Variants in ASRGL1 observed in about 807,000 individuals in gnomAD.
ASRGL1 encodes isoaspartyl peptidase/L-asparaginase.
In ASRGL1, 16 loss-of-function variants were observed where a neutral mutation model predicts 22.4. The ratio of observed to expected loss-of-function variants is 0.71; its 90% CI spans 0.48 to 1.08. ASRGL1 has a LOEUF of 1.08. ASRGL1 is among the 50% of genes least tolerant of loss of function. The pLI is 0.00. For synonymous variants in ASRGL1, 165 were observed against 159.3 expected, an observed-to-expected ratio of 1.04 and a Z score of -0.27; for missense variants, 412 against 410.1, an observed-to-expected ratio of 1.00 and a Z score of -0.04.
At chr11:62,383,870 C>T (rs11231068) in intron 4 of ASRGL1, among the ~76,000 whole-genome samples, 39,906 of 148,040 alleles carry the variant, frequency 0.27, 5,494 homozygotes, top group South Asian at 0.35. Context: ...GCCGAAATCA[C>T]ACCACTGCAC....
intron 4 of ASRGL1, among the ~76,000 whole-genome samples, chr11:62,368,659 A>C (rs374492585): frequency 6.6e-6 from 1 of 152,096 alleles, no homozygotes; most frequent in African/African-American, 2.4e-5. Context: ...GAGTTCCCTC[A>C]GTATTTATTG....
rs529094501 is a variant in ASRGL1 at position 62,389,227 on chromosome 11, C to T, written c.586C>T (p.Arg196Cys). ...TGGIVNKMVG[R>C]VGDSPCLGAG... ...CGGTATCGTTAATAAAATGGTCGGC[C>T]GCGTTGGGGACTCACCGTGTCTAGG... Residue 196 changes from arginine (R) to cysteine (C), a missense_variant, in exon 5 of 7, where the codon CGC becomes TGC. By Grantham distance (180) the Arg-to-Cys change is radical. Coordinates refer to ENST00000415229, the MANE Select transcript of ASRGL1 (RefSeq NM_001083926.2). The T allele has an allele frequency of 1.1e-5, 18 of 1,614,028 alleles. No individual in the cohort carries two copies. The highest frequency in any genetic ancestry group is 2.2e-5 in the East Asian group (1 of 44,878).
chr11:62,378,734 G>T (rs185757658), intron 4 of ASRGL1, among the ~76,000 whole-genome samples: 1 of 152,174 alleles, frequency 6.6e-6, no homozygotes, highest in Admixed American at 6.5e-5. Context: ...GAGAACGAAG[G>T]CTCAATATGT....
intron 4 of ASRGL1, among the ~76,000 whole-genome samples, chr11:62,369,131 T>G (rs1465190978): frequency 6.6e-6 from 1 of 152,164 alleles, no homozygotes; most frequent in African/African-American, 2.4e-5. Flanking sequence ...ATATCTGGCT[T>G]TGCTAGGCAG....
At chr11:62,354,367 A>G (rs1420724394) in intron 2 of ASRGL1, among the ~76,000 whole-genome samples, 2 of 152,206 alleles carry the variant, frequency 1.3e-5, no homozygotes, top group Non-Finnish European at 2.9e-5. Flanking sequence ...GAAACCACCA[A>G]TGGTACTCAA....
chr11:62,358,797 G>A (rs979443086), intron 4 of ASRGL1, among the ~76,000 whole-genome samples: 32 of 152,224 alleles, frequency 2.1e-4, no homozygotes, highest in Non-Finnish European at 4.4e-4. Flanking sequence ...AGGCACCTGA[G>A]TTCAAAGTTT....
At chr11:62,362,592 A>ATATATATTATATAATATATAT (rs1946481663) in intron 4 of ASRGL1, among the ~76,000 whole-genome samples, 2 of 23,394 alleles carry the variant, frequency 8.5e-5, no homozygotes, top group Non-Finnish European at 1.7e-4. Flanking sequence ...AAAATATATA[A>ATATATATTATATAATATATAT]TATATATTAT....
At chr11:62,358,771 A>G (rs1946365712) in intron 4 of ASRGL1, among the ~76,000 whole-genome samples, 2 of 152,316 alleles carry the variant, frequency 1.3e-5, no homozygotes, top group South Asian at 2.1e-4. Flanking sequence ...CCGTTGCTCT[A>G]TGTCTTGGAA....
In ASRGL1 at chr11:62,356,423, T is replaced by C. The variant is rs759820994; in HGVS notation, c.289T>C (p.Cys97Arg). 1.2e-6 allele frequency: 2 copies of C among 1,614,258 alleles called. No individual in the cohort carries two copies. The highest frequency in any genetic ancestry group is 1.7e-6 in the Non-Finnish European group (2 of 1,180,042). The stretch of plus-strand genomic sequence containing the variant: ...TGCAGGAGCAGTGTCCGCAGTCCAG[T>C]GTATAGCAAATCCCATTAAACTTGC... The part of the protein sequence containing the change: ...LSAGAVSAVQ[C>R]IANPIKLARL... Residue 97 changes from cysteine to arginine, a missense_variant, in exon 3 of 7, where the codon TGT becomes CGT. Physicochemically the swap from Cys to Arg is radical, Grantham distance 180. Transcript: ENST00000415229.
chr11:62,398,676 A>AGCG, the ASRGL1 span, among the ~76,000 whole-genome samples: 6 of 152,106 alleles, frequency 3.9e-5, no homozygotes, highest in Admixed American at 1.3e-4. Flanking sequence ...CACTCCCGCT[A>AGCG]GCGGCGGCGG....
At chr11:62,349,881 G>A (rs1411841682) in intron 2 of ASRGL1, among the ~76,000 whole-genome samples, 4 of 152,102 alleles carry the variant, frequency 2.6e-5, no homozygotes, top group African/African-American at 9.7e-5. Flanking sequence ...CCACATAGGG[G>A]AACTTCCTGA....
At chr11:62,399,180 C>T in the ASRGL1 span, among the ~76,000 whole-genome samples, 1 of 152,172 alleles carries the variant, frequency 6.6e-6, no homozygotes, top group African/African-American at 2.4e-5. Context: ...CATGCCACTG[C>T]ACTCCAGCCT....
chr11:62,368,901 A>G (rs1273027274), intron 4 of ASRGL1, among the ~76,000 whole-genome samples: 1 of 152,194 alleles, frequency 6.6e-6, no homozygotes, highest in Non-Finnish European at 1.5e-5. Flanking sequence ...ATCTCAGTAA[A>G]TAGAACATAC....
Position 62,371,571 on chromosome 11 carries a change from G to A in ASRGL1, c.491+14427G>A, listed in dbSNP as rs903345568. 1.1e-3 allele frequency: 776 copies of A among 694,180 alleles called. 12 individuals are homozygous for A. Among genetic ancestry groups the A allele is most frequent in the Non-Finnish European group, 2.8e-4 (103 of 366,720 alleles). 43.0% of individuals were successfully genotyped at this position (694,180 alleles called of 1,614,324 possible). A position where few individuals can be genotyped will look rare whatever the true frequency, so the allele number is the denominator to read the frequency against. ...AGTACCCAGGGACACAATACACTGC[G>A]GAAGGCCACAGGGACTTCCTCACAA... On this transcript the variant is annotated intron_variant, in intron 4 of 6. Coordinates refer to ENST00000415229, the MANE Select transcript of ASRGL1 (RefSeq NM_001083926.2).
At chr11:62,371,935 C>T (rs1946779664) in intron 4 of ASRGL1, 1 of 559,890 alleles carries the variant, frequency 1.8e-6, no homozygotes, top group African/African-American at 2.3e-5. Context: ...GCCTGGGCAA[C>T]AGAGCAAGAC....
chr11:62,393,865 T>TC (rs368189173), downstream of ASRGL1, among the ~76,000 whole-genome samples: 439 of 151,806 alleles, frequency 2.9e-3, 3 homozygotes, highest in African/African-American at 9.4e-3. Context: ...TCCCGAGGCC[T>TC]CTCTCCATGG....
Position 62,389,149 on chromosome 11 carries a change from G to A in ASRGL1, c.508G>A (p.Gly170Ser), listed in dbSNP as rs1250205607. The A allele has an allele frequency of 6.2e-7, 1 of 1,611,020 alleles. No homozygotes were observed. Among genetic ancestry groups the A allele is most frequent in the Non-Finnish European group, 8.5e-7 (1 of 1,177,450 alleles). Residue 170 changes from glycine to serine, a missense_variant, in exon 5 of 7, where the codon GGT becomes AGT. By Grantham distance (56) the Gly-to-Ser change is moderately conservative. Transcript: ENST00000415229. ...TDCQKNLGTV[G>S]AVALDCKGNV... ...TTTTGGCAGAAACTTGGGAACCGTG[G>A]GTGCTGTTGCCTTGGACTGCAAAGG...
chr11:62,338,393 A>G (rs886117557), intron 2 of ASRGL1: 1 of 481,910 alleles, frequency 2.1e-6, no homozygotes, highest in Admixed American at 3.9e-5. Flanking sequence ...ATGGCCTCTG[A>G]TACAGCTCTT....
chr11:62,368,599 CA>C (rs1484719398), intron 4 of ASRGL1, among the ~76,000 whole-genome samples: 1 of 152,068 alleles, frequency 6.6e-6, no homozygotes, highest in Non-Finnish European at 1.5e-5. Context: ...AAAGTGGGCC[CA>C]GGGGACCGGC....
Sources: gnomAD v4.1 joint callset for allele counts (sites outside exome capture counted in the v4.1 genomes callset) on GRCh38, gnomAD v4.1.1 for gene constraint, MANE v1.5 for transcripts, NCBI Gene and HGNC (gene_info 2026-07-23, HGNC 2026-07-21) for gene names.